Variants in CEP72 observed in about 807,000 individuals in gnomAD.
CEP72 encodes the protein centrosomal protein 72.
A neutral mutation model predicts 65.7 loss-of-function variants in CEP72; 78 were observed. That is an observed-to-expected ratio of 1.19 (90% confidence interval 0.99 to 1.43). The LOEUF is 1.43. Ranked by LOEUF, CEP72 falls within the 40% of genes most tolerant of loss-of-function variation. CEP72 has a pLI of 0.00. For synonymous variants in CEP72, 358 were observed against 351.7 expected (o/e 1.02, Z -0.20); for missense variants, 914 against 832.9 (o/e 1.10, Z -1.20).
At chr5:640,663 C>T (rs1737953558) in intron 9 of CEP72, 59 bp downstream of exon 9, 2 of 1,523,530 alleles carry the variant, frequency 1.3e-6, no homozygotes, top group Non-Finnish European at 1.8e-6. Flanking sequence ...ATGGCTCTGA[C>T]TTCCAGGAAC....
At chr5:615,570 A>C (rs537497499) in intron 1 of CEP72, among the ~76,000 whole-genome samples, 1 of 151,936 alleles carries the variant, frequency 6.6e-6, no homozygotes, top group East Asian at 1.9e-4. Context: ...CTTTTAACCT[A>C]CCTGTATCTT....
chr5:644,115 A>C lies in CEP72; in HGVS notation c.1540-184A>C, dbSNP rs141139854. On this transcript the variant is annotated intron_variant, in intron 9 of 11. Coordinates refer to ENST00000264935, the MANE Select transcript of CEP72 (RefSeq NM_018140.4). Reference sequence around the variant, plus strand: ...TTCCCCCCTCCCCTGAGGGTGCTGCAGGGCTGGGCAGGGCGGGCTGGGAGC... The same window carrying C: ...TTCCCCCCTCCCCTGAGGGTGCTGCCGGGCTGGGCAGGGCGGGCTGGGAGC... 1,276 of 616,404 alleles carry C rather than the reference A, an allele frequency of 2.1e-3. 21 individuals are homozygous for C. The highest frequency in any genetic ancestry group is 0.021 in the Admixed American group (699 of 33,796). 38.2% of individuals were successfully genotyped at this position (616,404 alleles called of 1,614,324 possible).
chr5:674,507 C>T, the CEP72 span, among the ~76,000 whole-genome samples: 137 of 152,142 alleles, frequency 9.0e-4, 3 homozygotes, highest in Admixed American at 1.6e-3. Context: ...GCCCGGGACA[C>T]GTCCCCTTGG....
intron 4 of CEP72, among the ~76,000 whole-genome samples, chr5:627,179 G>C (rs1736809314): frequency 6.6e-6 from 1 of 152,154 alleles, no homozygotes; most frequent in African/African-American, 2.4e-5. Context: ...CTTTAATAGA[G>C]ATCTCTACAG....
the CEP72 span, among the ~76,000 whole-genome samples, chr5:673,664 A>G: frequency 6.6e-6 from 1 of 152,104 alleles, no homozygotes; most frequent in Non-Finnish European, 1.5e-5. Context: ...CCAGACCTTG[A>G]CCCTCATGGT....
At chr5:669,558 C>T (rs1043292198), downstream of CEP72, among the ~76,000 whole-genome samples, 39 of 152,150 alleles carry the variant, frequency 2.6e-4, 1 homozygote, top group Non-Finnish European at 2.2e-4. Flanking sequence ...AGCTGACATG[C>T]GGACGCCAGG....
downstream of CEP72, among the ~76,000 whole-genome samples, chr5:654,319 C>T (rs1024460370): frequency 2.8e-5 from 4 of 143,250 alleles, no homozygotes; most frequent in Admixed American, 7.0e-5. Context: ...GCTGTGTGTA[C>T]GCTTGTGTGT....
chr5:621,909 G>A (rs887524106), intron 3 of CEP72, among the ~76,000 whole-genome samples: 6 of 152,256 alleles, frequency 3.9e-5, no homozygotes, highest in Non-Finnish European at 8.8e-5. Flanking sequence ...AAGTAGCTGA[G>A]ATTACAGGTG....
At position 627,937 on chromosome 5, in the gene CEP72, C is replaced by T. The variant is rs144221096; in HGVS notation, c.512+3358C>T. On this transcript the variant is annotated intron_variant, in intron 4 of 11. Coordinates refer to ENST00000264935, the MANE Select transcript of CEP72 (RefSeq NM_018140.4). ...CATTCACGCTGCTGACCGTGACCAG[C>T]GGCAACGTGTGGATGCACTTTCCTG... Among the ~76,000 whole-genome samples the T allele has an allele frequency of 7.2e-3, 1,103 of 152,344 alleles. 12 individuals are homozygous for T. The highest frequency in any genetic ancestry group is 0.025 in the African/African-American group (1,051 of 41,586).
chr5:640,315 C>G, intron 8 of CEP72, 93 bp from the exon 9 acceptor site: 1 of 1,526,412 alleles, frequency 6.6e-7, no homozygotes, highest in South Asian at 1.3e-5. Flanking sequence ...TTTGAGGCAT[C>G]GTCTGTGTGA....
At chr5:615,127 T>C (rs1735908602) in intron 1 of CEP72, among the ~76,000 whole-genome samples, 1 of 138,954 alleles carries the variant, frequency 7.2e-6, no homozygotes, top group South Asian at 2.3e-4. Context: ...GTATATGTAG[T>C]CTTCCTCTTT....
intron 4 of CEP72, among the ~76,000 whole-genome samples, chr5:666,410 G>A (rs1439810109): frequency 3.3e-5 from 5 of 152,232 alleles, no homozygotes; most frequent in Admixed American, 1.3e-4. Flanking sequence ...ATTAGGCAGC[G>A]GAGCCCACCT....
chr5:645,199 A>T lies in CEP72; in HGVS notation c.1666+774A>T, dbSNP rs1738333354. On this transcript the variant is annotated intron_variant, in intron 10 of 11. Coordinates refer to ENST00000264935, the MANE Select transcript of CEP72 (RefSeq NM_018140.4). This position sits in a 1 kb window ranked among gnomAD's most constrained non-coding sequence, Gnocchi z 4.0. ...GGGTCTCACGATGTCTGTCCCAACCAGCGGTGGCCTTTGCGGCAGGGAGGC... is the reference window on the plus strand; with the variant it reads ...GGGTCTCACGATGTCTGTCCCAACCTGCGGTGGCCTTTGCGGCAGGGAGGC... 6.6e-6 allele frequency among the ~76,000 whole-genome samples: 1 copy of T among 152,042 alleles called. No individual in the cohort carries two copies. The highest frequency in any genetic ancestry group is 6.5e-5 in the Admixed American group (1 of 15,282).
Position 639,198 on chromosome 5 carries a change from C to A in CEP72, c.1316C>A (p.Ser439Tyr). 6.3e-7 allele frequency: 1 copy of A among 1,594,336 alleles called. No individual in the cohort carries two copies. The highest frequency in any genetic ancestry group is 1.1e-5 in the South Asian group (1 of 89,740). ...GACAGGAGCTGGGGCGGCTGCAGGT[C>A]CCTGCACAGCAACGAGGCATTCCTT... Reference protein sequence around the residue: ...LVDRSWGGCRSLHSNEAFLAQ... With the variant: ...LVDRSWGGCRYLHSNEAFLAQ... The change falls in exon 8 of 12, where the codon TCC becomes TAC. Residue 439 changes from serine to tyrosine, a missense_variant. Physicochemically the swap from Ser to Tyr is moderately radical, Grantham distance 144. Coordinates refer to ENST00000264935, the MANE Select transcript of CEP72 (RefSeq NM_018140.4).
At chr5:633,721 G>A (rs1283037135) in intron 4 of CEP72, 48 bp from the exon 5 acceptor site, 1 of 1,575,462 alleles carries the variant, frequency 6.3e-7, no homozygotes, top group South Asian at 1.1e-5. Context: ...GTGGGCCGGA[G>A]CATATGGCTG....
chr5:620,112 A>T lies in CEP72; in HGVS notation c.254A>T (p.Tyr85Phe), dbSNP rs574219306. The T allele has an allele frequency of 6.2e-7, 1 of 1,614,180 alleles. No individual in the cohort carries two copies. The highest frequency in any genetic ancestry group is 1.1e-5 in the South Asian group (1 of 91,090). ...GCATTGGAGAGTCTCAATCTCTACT[A>T]CAACTGCATCTCCTCGTTGGCAGAA... ...LTALESLNLYYNCISSLAEVF... is the reference protein window; with the variant it reads ...LTALESLNLYFNCISSLAEVF... The change falls in exon 3 of 12, where the codon TAC (tyrosine) becomes TTC (phenylalanine). Residue 85 changes from tyrosine (Y) to phenylalanine (F), a missense_variant. By Grantham distance (22) the Tyr-to-Phe change is conservative (BLOSUM62 3). Coordinates refer to ENST00000264935, the MANE Select transcript of CEP72 (RefSeq NM_018140.4).
chr5:666,033 C>T, exon 4 of CEP72: 1 of 1,611,542 alleles, frequency 6.2e-7, no homozygotes, highest in Non-Finnish European at 8.5e-7. Flanking sequence ...GAACGGCCTC[C>T]TCGCTGCTCT....
rs377001413 is a variant in CEP72, at chr5:619,030, G to A, written c.123G>A (p.Glu41=). ...QSLSIPGTYQ[E]KITHLGHSLM... Reference sequence around the variant, plus strand: ...TGTCTATTCCTGGAACTTACCAAGAGAAGATCACCCACCTGGGACATTCTC... The same window carrying A: ...TGTCTATTCCTGGAACTTACCAAGAAAAGATCACCCACCTGGGACATTCTC... The change falls in exon 2 of 12, where the codon GAG becomes GAA. Residue 41 remains glutamate, a synonymous_variant. Coordinates refer to ENST00000264935, the MANE Select transcript of CEP72 (RefSeq NM_018140.4). 1.9e-6 allele frequency: 3 copies of A among 1,612,634 alleles called. No homozygotes were observed. Among genetic ancestry groups the A allele is most frequent in the Non-Finnish European group, 2.5e-6 (3 of 1,178,740 alleles).
downstream of CEP72, among the ~76,000 whole-genome samples, chr5:658,917 C>T: frequency 6.6e-6 from 1 of 152,168 alleles, no homozygotes; most frequent in East Asian, 1.9e-4. Flanking sequence ...ATCTGCCCGC[C>T]TCGGCCTCCC....
Sources: gnomAD v4.1 joint callset for allele counts (sites outside exome capture counted in the v4.1 genomes callset) on GRCh38, gnomAD v4.1.1 for gene constraint, Gnocchi (gnomAD v3.1) non-coding constraint, MANE v1.5 for transcripts, NCBI Gene and HGNC (gene_info 2026-07-23, HGNC 2026-07-21) for gene names.